GRK1: variants seen among roughly 807,000 people sequenced by gnomAD.
GRK1 encodes the protein G protein-coupled receptor kinase 1.
Under a neutral mutation model 41.7 loss-of-function variants are expected in GRK1, and 28 were observed. The ratio of observed to expected loss-of-function variants is 0.67; its 90% CI spans 0.50 to 0.92. The LOEUF is 0.92. Among genes scored for constraint, GRK1 ranks in the 40% least tolerant of loss-of-function variants. GRK1 has a pLI of 0.00. For missense variants in GRK1, 703 were observed against 671.2 expected, an observed-to-expected ratio of 1.05 and a Z score of -0.52; for synonymous variants, 327 against 286.7, an observed-to-expected ratio of 1.14 and a Z score of -1.42.
At chr13:113,724,379 T>C (rs985993354) in intron 4 of GRK1, among the ~76,000 whole-genome samples, 1 of 152,238 alleles carries the variant, frequency 6.6e-6, no homozygotes, top group Non-Finnish European at 1.5e-5. Context: ...TTCCAGAGAA[T>C]GTCGCTTCCC....
chr13:113,732,258 C>T (rs1281209377), intron 5 of GRK1, among the ~76,000 whole-genome samples: 1 of 152,196 alleles, frequency 6.6e-6, no homozygotes, highest in East Asian at 1.9e-4. Flanking sequence ...GCCCACCCCT[C>T]TCCCTTCTGA....
chr13:113,667,312 GCT>G lies in GRK1; in HGVS notation c.-72_-71del, dbSNP rs2049824619. The G allele has an allele frequency of 5.8e-6, 8 of 1,390,680 alleles. No individual in the cohort carries two copies. The highest frequency in any genetic ancestry group is 2.5e-5 in the Admixed American group (1 of 39,470). 86.1% of individuals were successfully genotyped at this position (1,390,680 alleles called of 1,614,324 possible). ...CAGGCCAAGGGCAGCAGTCAGGCCT[GCT>G]CTGTCTGTGAACGCTCCCGGCTTGG... is the stretch of plus-strand genomic sequence containing the variant. On this transcript the variant is annotated 5_prime_UTR_variant, in exon 1 of 7. Transcript: ENST00000335678. The surrounding 1 kb of genome is among the most constrained non-coding windows in gnomAD (Gnocchi z 7.5).
At chr13:113,657,688 G>GTT in the GRK1 span, among the ~76,000 whole-genome samples, 1,407 of 152,358 alleles carry the variant, frequency 9.2e-3, 25 homozygotes, top group African/African-American at 0.032. Flanking sequence ...AGGAATCACC[G>GTT]TTGCCACCTT....
the GRK1 span, chr13:113,657,958 C>T: frequency 7.9e-6 from 10 of 1,270,554 alleles, no homozygotes; most frequent in African/African-American, 1.5e-5. Context: ...CTCCCCTCCT[C>T]CTGAGCTCAC....
chr13:113,665,037 GC>G (rs2049808956), upstream of GRK1, among the ~76,000 whole-genome samples: 1 of 152,194 alleles, frequency 6.6e-6, no homozygotes, highest in African/African-American at 2.4e-5. Flanking sequence ...CGGTCTGCGG[GC>G]CCTCGCTTCG....
the GRK1 span, among the ~76,000 whole-genome samples, chr13:113,653,877 C>T: frequency 6.6e-5 from 10 of 152,350 alleles, no homozygotes; most frequent in African/African-American, 2.2e-4. Context: ...GGGAGTGAAA[C>T]GCAGAGCCGT....
the GRK1 span, chr13:113,652,960 T>C: frequency 1.9e-6 from 3 of 1,614,230 alleles, no homozygotes; most frequent in Non-Finnish European, 2.5e-6. Context: ...GCAGCATATC[T>C]GCCGTGAACT....
chr13:113,726,901 G>A (rs2049892352), intron 4 of GRK1, among the ~76,000 whole-genome samples: 1 of 152,238 alleles, frequency 6.6e-6, no homozygotes, highest in Non-Finnish European at 1.5e-5. Flanking sequence ...TGGGGAAAAA[G>A]GATTCTGTGG....
chr13:113,664,202 G>A (rs112851656), upstream of GRK1, among the ~76,000 whole-genome samples: 4 of 152,248 alleles, frequency 2.6e-5, no homozygotes, highest in South Asian at 2.1e-4. This position sits in a 1 kb window ranked among gnomAD's most constrained non-coding sequence, Gnocchi z 5.4. Context: ...CGTGGTTGCC[G>A]GGCATTGAGC....
intron 1 of GRK1, among the ~76,000 whole-genome samples, 172 bp downstream of exon 1, chr13:113,668,257 G>A (rs755161331): frequency 2.6e-5 from 4 of 152,362 alleles, no homozygotes; most frequent in Middle Eastern, 6.8e-3. Flanking sequence ...GTGCGGTTAC[G>A]AGCAGTTCCA....
At chr13:113,733,987 T>C (rs1189230737) in intron 6 of GRK1, among the ~76,000 whole-genome samples, 16 of 134,600 alleles carry the variant, frequency 1.2e-4, no homozygotes, top group East Asian at 2.0e-4. Flanking sequence ...CGCATGTGTG[T>C]GCATACATGT....
At chr13:113,666,746 A>C (rs2049821563), upstream of GRK1, among the ~76,000 whole-genome samples, 1 of 152,184 alleles carries the variant, frequency 6.6e-6, no homozygotes, top group African/African-American at 2.4e-5. Context: ...GGTCTCACCT[A>C]CAGACCCCCA....
the GRK1 span, chr13:113,653,516 G>A: frequency 2.7e-5 from 35 of 1,300,548 alleles, no homozygotes; most frequent in Non-Finnish European, 3.4e-5. Context: ...CTGAGGATAC[G>A]CCAGAGGCGG....
rs2049993257 is a variant in GRK1 at position 113,735,132 on chromosome 13, G to A, written c.1461G>A (p.Val487=). 4 of 1,537,000 alleles carry A rather than the reference G, an allele frequency of 2.6e-6. No homozygotes were observed. Among genetic ancestry groups the A allele is most frequent in the South Asian group, 1.2e-5 (1 of 84,066 alleles). Residue 487 remains valine (V), a synonymous_variant, in exon 7 of 7, where the codon GTG becomes GTA. Coordinates refer to ENST00000335678, the MANE Select transcript of GRK1 (RefSeq NM_002929.3). ...TCTACGCAAAGGATATTCAGGACGT[G>A]GGTGCCTTTTCCACCGTCAAAGGTG... ...KTVYAKDIQD[V]GAFSTVKGVA...
chr13:113,667,094 G>T, upstream of GRK1: 1 of 318,748 alleles, frequency 3.1e-6, no homozygotes, highest in Non-Finnish European at 5.8e-6. The surrounding 1 kb of genome is among the most constrained non-coding windows in gnomAD (Gnocchi z 7.5). Context: ...TGATCTAATC[G>T]GATTCCAAGC....
chr13:113,726,841 G>A (rs929983657), intron 4 of GRK1, among the ~76,000 whole-genome samples: 1 of 152,230 alleles, frequency 6.6e-6, no homozygotes, highest in Non-Finnish European at 1.5e-5. Context: ...GGACCAGTAG[G>A]GCATATTCAG....
the GRK1 span, chr13:113,658,257 G>A: frequency 1.9e-3 from 1,942 of 1,025,056 alleles, 50 homozygotes; most frequent in South Asian, 0.027. Context: ...CAAAGGCATC[G>A]CAGGCGAAGG....
Position 113,735,048 on chromosome 13 carries a change from G to A in GRK1, c.1397-20G>A. The A allele has an allele frequency of 6.8e-7, 1 of 1,480,820 alleles. No individual in the cohort carries two copies. Among genetic ancestry groups the A allele is most frequent in the South Asian group, 1.3e-5 (1 of 76,584 alleles). 91.7% of individuals were successfully genotyped at this position (1,480,820 alleles called of 1,614,324 possible). A position where few individuals can be genotyped will look rare whatever the true frequency, so the allele number is the denominator to read the frequency against. On this transcript the variant is annotated intron_variant, in intron 6 of 6. Transcript: ENST00000335678. Reference sequence around the variant, plus strand: ...TCCCACCACGAGGAGCCTGGCGTCTGTGTTTTCTGTCTCCCACAGGGATGC... The same window carrying A: ...TCCCACCACGAGGAGCCTGGCGTCTATGTTTTCTGTCTCCCACAGGGATGC...
At chr13:113,651,400 C>T in the GRK1 span, among the ~76,000 whole-genome samples, 1 of 152,242 alleles carries the variant, frequency 6.6e-6, no homozygotes, top group African/African-American at 2.4e-5. Context: ...TTCCACATCG[C>T]CACCAGGCGT....
Sources: allele counts gnomAD v4.1 joint callset (sites outside exome capture counted in the v4.1 genomes callset), GRCh38; gene constraint gnomAD v4.1.1; non-coding constraint Gnocchi (gnomAD v3.1); transcripts MANE v1.5; gene names NCBI Gene and HGNC (gene_info 2026-07-23, HGNC 2026-07-21).